ABCA4: variants seen among roughly 807,000 people sequenced by gnomAD.
ABCA4 encodes the protein ATP binding cassette subfamily A member 4.
ABCA4 carries 196 observed loss-of-function variants against 263.7 expected under a neutral mutation model. The ratio of observed to expected loss-of-function variants is 0.74; its 90% CI spans 0.66 to 0.84. The LOEUF (loss-of-function observed/expected upper bound fraction) is 0.84, where lower values mean the gene tolerates loss of function less well. Ranked by LOEUF, ABCA4 falls within the 40% of genes least tolerant of loss-of-function variation. The pLI is 0.00. For missense variants in ABCA4, 2,792 were observed against 2,855.1 expected (o/e 0.98, Z 0.50); for synonymous variants, 1,133 against 1,094.2 (o/e 1.04, Z -0.70).
rs11289565 is a variant in ABCA4, at chr1:94,046,280, T to TAA, written c.2918+637_2918+638dup. Among the ~76,000 whole-genome samples, 272 of 77,062 alleles carry TAA rather than the reference T, an allele frequency of 3.5e-3. 4 individuals are homozygous for TAA. The highest frequency in any genetic ancestry group is 0.012 in the African/African-American group (252 of 21,240). 50.6% of individuals were successfully genotyped at this position (77,062 alleles called of 152,430 possible). On this transcript the variant is annotated intron_variant, in intron 19 of 49. Coordinates refer to ENST00000370225, the MANE Select transcript of ABCA4 (RefSeq NM_000350.3). ...CAACATGGTGAAACCCTGTCTGTAC[T>TAA]AAAAAAAAAAAAAAAAAAAAAAAAT...
At position 94,014,688 on chromosome 1, in the gene ABCA4, C is replaced by T. The variant is rs776757706; in HGVS notation, c.5315G>A (p.Trp1772Ter). Residue 1772 changes from tryptophan (W) to a stop codon, truncating the protein, a stop_gained and splice_region_variant, in exon 38 of 50, where the codon TGG becomes TAG. Coordinates refer to ENST00000370225, the MANE Select transcript of ABCA4 (RefSeq NM_000350.3). LOFTEE classifies it high-confidence loss of function. ...ALVALLLLYG[W>*]AVIPMMYPAS... ...TGGGTACATCATGGGAATGACCGCC[C>T]ATCTGTGTGAAATGAGACAACTCAG... 1 of 1,614,138 alleles carries T rather than the reference C, an allele frequency of 6.2e-7. No homozygotes were observed. The highest frequency in any genetic ancestry group is 8.5e-7 in the Non-Finnish European group (1 of 1,180,024).
At chr1:94,081,663 G>A (rs1473832239) in intron 7 of ABCA4, among the ~76,000 whole-genome samples, 1 of 151,904 alleles carries the variant, frequency 6.6e-6, no homozygotes, top group Non-Finnish European at 1.5e-5. Context: ...AGCAAATACA[G>A]AACAGATGAA....
intron 11 of ABCA4, among the ~76,000 whole-genome samples, chr1:94,076,152 A>G (rs1661531611): frequency 6.6e-6 from 1 of 152,178 alleles, no homozygotes; most frequent in Admixed American, 6.5e-5. Flanking sequence ...AATCCTGCTC[A>G]TAGAAATGGC....
rs113965124 is a variant in ABCA4 at position 94,005,015 on chromosome 1, G to A, written c.6147+426C>T. ...TTTTCTTCTTCTTTTTTATAGTTGC[G>A]TAAGACTTTATTGTGTGTCTGTACC... On this transcript the variant is annotated intron_variant, in intron 44 of 49. Transcript: ENST00000370225. Among the ~76,000 whole-genome samples, 603 of 152,194 alleles carry A rather than the reference G, an allele frequency of 4.0e-3. 9 individuals are homozygous for A. The highest frequency in any genetic ancestry group is 0.014 in the African/African-American group (572 of 41,504).
At chr1:94,094,253 T>C (rs1662057046) in intron 6 of ABCA4, among the ~76,000 whole-genome samples, 1 of 152,096 alleles carries the variant, frequency 6.6e-6, no homozygotes, top group Non-Finnish European at 1.5e-5. Context: ...CAACTCTCAC[T>C]GGGTAGGGGG....
chr1:94,111,372 G>C, intron 3 of ABCA4, 66 bp downstream of exon 3: 1 of 1,587,256 alleles, frequency 6.3e-7, no homozygotes, highest in Non-Finnish European at 8.6e-7. Flanking sequence ...GCACGCACGT[G>C]TGCATTTCAG....
chr1:94,073,191 C>T (rs1333008692), intron 11 of ABCA4, among the ~76,000 whole-genome samples: 1 of 152,230 alleles, frequency 6.6e-6, no homozygotes, highest in Non-Finnish European at 1.5e-5. Flanking sequence ...GGACAAGCCA[C>T]AGTGATGTGT....
At position 94,116,966 on chromosome 1, in the gene ABCA4, TTCTCTTTCTTTC is replaced by T. The variant is rs1487682695; in HGVS notation, c.67-3912_67-3901del. ...TTCCCTCCCTCCCTCCTTTCTTTCT[TTCTCTTTCTTTC>T]TTTCTTTCTTTCTTTCTTTCTTTCT... On this transcript the variant is annotated intron_variant, in intron 1 of 49. Transcript: ENST00000370225. Among the ~76,000 whole-genome samples, 193 of 101,798 alleles carry T rather than the reference TTCTCTTTCTTTC, an allele frequency of 1.9e-3. 2 individuals carry two copies. The highest frequency in any genetic ancestry group is 9.7e-3 in the East Asian group (27 of 2,778). 66.8% of individuals were successfully genotyped at this position (101,798 alleles called of 152,430 possible).
chr1:94,023,321 A>G (rs1659949327), intron 32 of ABCA4, 65 bp downstream of exon 32: 2 of 1,383,682 alleles, frequency 1.4e-6, no homozygotes, highest in South Asian at 1.2e-5. Context: ...GCCTTTTAAA[A>G]GTGTGCAATT....
rs748978733 is a variant in ABCA4 at position 94,111,467 on chromosome 1, A to G, written c.273T>C (p.Pro91=). 6.2e-7 allele frequency: 1 copy of G among 1,614,182 alleles called. No homozygotes were observed. The highest frequency in any genetic ancestry group is 1.1e-5 in the South Asian group (1 of 91,054). The change falls in exon 3 of 50, where the codon CCT becomes CCC. Residue 91 remains proline, a synonymous_variant. Coordinates refer to ENST00000370225, the MANE Select transcript of ABCA4 (RefSeq NM_000350.3). ...CFQSPTPGES[P]GIVSNYNNSI... Reference sequence around the variant, plus strand: ...AGTTGTTATAGTTTGACACAATTCCAGGAGATTCTCCTGGGGTGGGGCTTT... The same window carrying G: ...AGTTGTTATAGTTTGACACAATTCCGGGAGATTCTCCTGGGGTGGGGCTTT...
At chr1:94,112,211 C>A (rs1662626746) in intron 2 of ABCA4, among the ~76,000 whole-genome samples, 1 of 152,208 alleles carries the variant, frequency 6.6e-6, no homozygotes, top group South Asian at 2.1e-4. Flanking sequence ...GAGGCTCTCA[C>A]TAGGTTCCTT....
In ABCA4 at chr1:94,037,334, C is replaced by T. The variant is rs559412924; in HGVS notation, c.3624G>A (p.Leu1208=). 1 of 1,614,190 alleles carries T rather than the reference C, an allele frequency of 6.2e-7. No individual in the cohort carries two copies. The highest frequency in any genetic ancestry group is 1.3e-5 in the African/African-American group (1 of 75,078). The part of the protein sequence containing the change: ...EQVLDGDVNE[L]MDVVLHHVPE... ...GAACATGGTGGAGAACTACATCCATCAGCTCATTTACATCCCCTAGGACAA... is the reference window on the plus strand; with the variant it reads ...GAACATGGTGGAGAACTACATCCATTAGCTCATTTACATCCCCTAGGACAA... The change falls in exon 25 of 50, where the codon CTG becomes CTA. Residue 1208 remains leucine (L), a synonymous_variant. Transcript: ENST00000370225.
At chr1:94,109,883 C>T (rs956251742) in intron 3 of ABCA4, among the ~76,000 whole-genome samples, 3 of 152,170 alleles carry the variant, frequency 2.0e-5, no homozygotes, top group Admixed American at 6.5e-5. Context: ...AATGTGAGTG[C>T]AAAACATGAA....
intron 37 of ABCA4, among the ~76,000 whole-genome samples, chr1:94,015,396 T>C (rs1439359136): frequency 1.3e-5 from 2 of 152,102 alleles, no homozygotes; most frequent in Non-Finnish European, 2.9e-5. Context: ...GGTGGACAGA[T>C]TGGCCACAGA....
intron 1 of ABCA4, among the ~76,000 whole-genome samples, chr1:94,117,984 G>A (rs1357654936): frequency 1.3e-5 from 2 of 152,140 alleles, no homozygotes; most frequent in African/African-American, 2.4e-5. Flanking sequence ...TAAATTATAT[G>A]GCCACTCTAT....
chr1:94,096,640 TA>T (rs1662129644), intron 6 of ABCA4, among the ~76,000 whole-genome samples: 4 of 152,208 alleles, frequency 2.6e-5, no homozygotes, highest in Admixed American at 2.6e-4. Context: ...TCTTGTCTGA[TA>T]AAGAAACATT....
At position 94,121,072 on chromosome 1, in the gene ABCA4, G is replaced by A. The variant is rs369474958; in HGVS notation, c.-27C>T. ...CTAATGACCACACGAAGACCAGATT[G>A]GTCAGAGCTGAGGCCCCTCAGACAG... On this transcript the variant is annotated 5_prime_UTR_variant, in exon 1 of 50. Transcript: ENST00000370225. 5 of 1,612,724 alleles carry A rather than the reference G, an allele frequency of 3.1e-6. No individual in the cohort carries two copies. The highest frequency in any genetic ancestry group is 4.2e-6 in the Non-Finnish European group (5 of 1,178,698).
At chr1:94,055,041 C>T in intron 16 of ABCA4, 70 bp downstream of exon 16, 1 of 1,418,614 alleles carries the variant, frequency 7.0e-7, no homozygotes. Context: ...GAAATTTAAA[C>T]TAGATGAATG....
chr1:94,077,938 C>A lies in ABCA4; in HGVS notation c.1357-51G>T, dbSNP rs778600903. 3 of 1,556,858 alleles carry A rather than the reference C, an allele frequency of 1.9e-6. No homozygotes were observed. The East Asian group carries it at 6.7e-5, about 35-fold the overall frequency. ...GCTCTGCTTAGAAATTCCATAGGAT[C>A]TTTGGTCTTGTTCTTCAGCCATTTC... On this transcript the variant is annotated intron_variant, in intron 10 of 49. Coordinates refer to ENST00000370225, the MANE Select transcript of ABCA4 (RefSeq NM_000350.3).
Sources: gnomAD v4.1 joint callset for allele counts (sites outside exome capture counted in the v4.1 genomes callset) on GRCh38, gnomAD v4.1.1 for gene constraint, MANE v1.5 for transcripts, NCBI Gene and HGNC (gene_info 2026-07-23, HGNC 2026-07-21) for gene names.